The following ITGA6 variants were observed in gnomAD, a reference collection of about 807,000 sequenced individuals.
ITGA6 encodes integrin subunit alpha 6, also known as integrin alpha-6.
In ITGA6, 63 loss-of-function variants were observed where a neutral mutation model predicts 133.6. The observed-to-expected ratio is 0.47, with a 90% confidence interval of 0.38 to 0.58. ITGA6 has a LOEUF of 0.58. Among genes scored for constraint, ITGA6 ranks in the 20% least tolerant of loss-of-function variants. The probability of loss-of-function intolerance (pLI) is 0.00; values close to 1 mark genes in which losing one functional copy is unlikely to be tolerated. For synonymous variants in ITGA6, 434 were observed against 482.0 expected (o/e 0.90, Z 1.30); for missense variants, 1,068 against 1,309.4 (o/e 0.82, Z 2.85).
intron 11 of ITGA6, chr2:172,481,048 G>A (rs1451969881): frequency 6.6e-6 from 1 of 152,158 alleles, no homozygotes; most frequent in African/African-American, 2.4e-5. Flanking sequence ...AAAAGAATGA[G>A]GAAATTCTCA....
intron 5 of ITGA6, among the ~76,000 whole-genome samples, chr2:172,471,606 ACC>A (rs887672654): frequency 5.3e-5 from 8 of 152,178 alleles, no homozygotes; most frequent in African/African-American, 1.9e-4. Context: ...CTGGATTGGG[ACC>A]CCATGTCACA....
At chr2:172,456,620 C>T (rs1389290072) in intron 1 of ITGA6, among the ~76,000 whole-genome samples, 1 of 152,072 alleles carries the variant, frequency 6.6e-6, no homozygotes, top group Non-Finnish European at 1.5e-5. Context: ...GTCTGATGAC[C>T]CAAAATGGCT....
chr2:172,466,309 T>G (rs1685670195), intron 2 of ITGA6, among the ~76,000 whole-genome samples: 1 of 152,224 alleles, frequency 6.6e-6, no homozygotes, highest in South Asian at 2.1e-4. Flanking sequence ...TTCTCTTGCT[T>G]CTTCATCTTT....
chr2:172,480,713 G>A (rs1574389096), intron 11 of ITGA6: 1 of 153,148 alleles, frequency 6.5e-6, no homozygotes, highest in East Asian at 1.9e-4. Flanking sequence ...AGTTGTGCTG[G>A]AGATCAACTG....
chr2:172,451,097 G>T (rs763487000), intron 1 of ITGA6, among the ~76,000 whole-genome samples: 1 of 151,316 alleles, frequency 6.6e-6, no homozygotes, highest in Admixed American at 6.6e-5. Flanking sequence ...GGAGGGTGCC[G>T]TAAGCCAAGA....
rs56791382 is a variant in ITGA6 at position 172,453,306 on chromosome 2, C to T, written c.183-12233C>T. Reference sequence around the variant, plus strand: ...CTTCCGGAGGCCGAGGCAGGAGGATCGCTTAAGCTCAGGAGTTCGAGACCA... The same window carrying T: ...CTTCCGGAGGCCGAGGCAGGAGGATTGCTTAAGCTCAGGAGTTCGAGACCA... On this transcript the variant is annotated intron_variant, in intron 1 of 25. Coordinates refer to ENST00000684293, the MANE Select transcript of ITGA6 (RefSeq NM_000210.4). Among the ~76,000 whole-genome samples the T allele has an allele frequency of 1.2e-3, 176 of 152,050 alleles. 4 individuals are homozygous for T. The East Asian group carries it at 0.026, about 22-fold the overall frequency.
chr2:172,460,718 G>C (rs868484824), intron 1 of ITGA6, among the ~76,000 whole-genome samples: 22 of 152,186 alleles, frequency 1.4e-4, no homozygotes, highest in African/African-American at 5.3e-4. Context: ...TTCTGAGTTT[G>C]AAAATGGGTT....
chr2:172,439,954 C>T (rs549740577), intron 1 of ITGA6, among the ~76,000 whole-genome samples: 1 of 152,262 alleles, frequency 6.6e-6, no homozygotes, highest in African/African-American at 2.4e-5. Flanking sequence ...ACATAGTGGG[C>T]TGGGAGAGAT....
chr2:172,441,316 A>G (rs1003250074), intron 1 of ITGA6, among the ~76,000 whole-genome samples: 1 of 152,168 alleles, frequency 6.6e-6, no homozygotes, highest in African/African-American at 2.4e-5. Flanking sequence ...CACTGAAGGC[A>G]GGGGTTTGGG....
chr2:172,445,603 T>C (rs4993283), intron 1 of ITGA6, among the ~76,000 whole-genome samples: 18,348 of 149,526 alleles, frequency 0.12, 1,892 homozygotes, highest in East Asian at 0.52. Flanking sequence ...GAGCTGAGAT[T>C]GCGCCACTGC....
intron 1 of ITGA6, among the ~76,000 whole-genome samples, chr2:172,443,268 T>C (rs1159049543): frequency 6.6e-6 from 1 of 152,238 alleles, no homozygotes; most frequent in Non-Finnish European, 1.5e-5. Flanking sequence ...TTCCTTATTA[T>C]TTTTAATCTC....
intron 23 of ITGA6, among the ~76,000 whole-genome samples, chr2:172,493,427 AT>A (rs1687003818): frequency 6.6e-6 from 1 of 152,172 alleles, no homozygotes; most frequent in African/African-American, 2.4e-5. Context: ...AATCACTGAG[AT>A]TTCAGAGCTA....
At position 172,487,807 on chromosome 2, in the gene ITGA6, C is replaced by T. The variant is rs750897577; in HGVS notation, c.2324C>T (p.Thr775Ile). The T allele has an allele frequency of 4.4e-6, 7 of 1,599,348 alleles. No individual in the cohort carries two copies. The highest frequency in any genetic ancestry group is 4.0e-5 in the African/African-American group (3 of 74,648). Residue 775 changes from threonine (T) to isoleucine (I), a missense_variant and splice_region_variant, in exon 17 of 26, where the codon ACA becomes ATA. Transcript: ENST00000684293. ...PDLDINLKLE[T>I]TSNQDNLAPI... ...CTGGATATTAATCTGAAGTTAGAAA[C>T]GTAAGAGTTACATCAACCTCTCCAT... is the stretch of plus-strand genomic sequence containing the variant.
chr2:172,487,500 G>T, intron 15 of ITGA6, 47 bp downstream of exon 15: 1 of 1,610,766 alleles, frequency 6.2e-7, no homozygotes, highest in Non-Finnish European at 8.5e-7. Context: ...AATCAACACT[G>T]TGTGGCAAAT....
At chr2:172,435,616 CTTTTTT>C (rs58005683) in intron 1 of ITGA6, among the ~76,000 whole-genome samples, 14 of 82,248 alleles carry the variant, frequency 1.7e-4, no homozygotes, top group South Asian at 4.9e-4. Context: ...AGTTTTGTTT[CTTTTTT>C]TTTTTTTTTT....
In ITGA6 at chr2:172,505,255, T is replaced by C. The variant is rs1283823710; in HGVS notation, c.*1187T>C. 6.6e-6 allele frequency: 1 copy of C among 152,298 alleles called. No individual in the cohort carries two copies. The highest frequency in any genetic ancestry group is 1.5e-5 in the Non-Finnish European group (1 of 68,034). 9.4% of individuals were successfully genotyped at this position (152,298 alleles called of 1,614,324 possible). A position where few individuals can be genotyped will look rare whatever the true frequency, so the allele number is the denominator to read the frequency against. Reference sequence around the variant, plus strand: ...TCATACTGTAACATTCAGGAATTCTTGGAGAAAATGGGTTTATTCACTGAA... The same window carrying C: ...TCATACTGTAACATTCAGGAATTCTCGGAGAAAATGGGTTTATTCACTGAA... On this transcript the variant is annotated 3_prime_UTR_variant, in exon 26 of 26. Coordinates refer to ENST00000684293, the MANE Select transcript of ITGA6 (RefSeq NM_000210.4).
At chr2:172,427,564 CG>C, upstream of ITGA6, 1 of 1,217,202 alleles carries the variant, frequency 8.2e-7, no homozygotes, top group African/African-American at 1.6e-5. Flanking sequence ...CTTGATAAAA[CG>C]CCTGCGAGTC....
intron 1 of ITGA6, among the ~76,000 whole-genome samples, chr2:172,430,121 TA>T (rs1419832558): frequency 5.9e-5 from 9 of 152,256 alleles, no homozygotes; most frequent in Non-Finnish European, 1.2e-4. Context: ...GCTGTTAATT[TA>T]CTTTGAGCTT....
At chr2:172,486,193 A>AAAAAC (rs1553538646) in intron 13 of ITGA6, among the ~76,000 whole-genome samples, 1 of 150,840 alleles carries the variant, frequency 6.6e-6, no homozygotes, top group East Asian at 1.9e-4. Context: ...AAAAAAAAAA[A>AAAAAC]AAAACAACTA....
Sources: allele counts gnomAD v4.1 joint callset (sites outside exome capture counted in the v4.1 genomes callset), GRCh38; gene constraint gnomAD v4.1.1; transcripts MANE v1.5; gene names NCBI Gene and HGNC (gene_info 2026-07-23, HGNC 2026-07-21).